The following STOX1 variants were observed in gnomAD, a reference collection of about 807,000 sequenced individuals.
STOX1 encodes storkhead-box protein 1.
A neutral mutation model predicts 74.8 loss-of-function variants in STOX1; 57 were observed. That is an observed-to-expected ratio of 0.76 (90% CI 0.62 to 0.95). The LOEUF is 0.95. Among genes scored for constraint, STOX1 ranks in the 40% least tolerant of loss-of-function variants. The probability of loss-of-function intolerance (pLI) is 0.00; values close to 1 mark genes in which losing one functional copy is unlikely to be tolerated. For missense variants in STOX1, 1,010 were observed against 1,117.0 expected (o/e 0.90, Z 1.37); for synonymous variants, 375 against 401.3 (o/e 0.93, Z 0.78).
At chr10:68,829,032 G>A (rs560831238) in intron 1 of STOX1, 2 of 983,812 alleles carry the variant, frequency 2.0e-6, no homozygotes, top group South Asian at 9.4e-5. Flanking sequence ...GTTCTTGTCT[G>A]CATTTATGTG....
intron 1 of STOX1, among the ~76,000 whole-genome samples, chr10:68,880,984 A>G (rs1033017595): frequency 6.6e-6 from 1 of 152,132 alleles, no homozygotes; most frequent in Admixed American, 6.5e-5. Flanking sequence ...CTGAGCCACC[A>G]CATCTGGTCC....
intron 1 of STOX1, among the ~76,000 whole-genome samples, chr10:68,830,698 G>A (rs1403577912): frequency 6.6e-6 from 1 of 152,078 alleles, no homozygotes; most frequent in Non-Finnish European, 1.5e-5. Context: ...CCATGGCAAG[G>A]ACAGATTTTG....
chr10:68,830,425 C>T (rs144788333), intron 1 of STOX1, among the ~76,000 whole-genome samples: 75 of 152,272 alleles, frequency 4.9e-4, no homozygotes, highest in African/African-American at 1.5e-3. Context: ...TCACTGCAAC[C>T]TCCACCTCCT....
chr10:68,881,855 A>G, intron 1 of STOX1, 103 bp from the exon 2 acceptor site: 7 of 1,334,958 alleles, frequency 5.2e-6, no homozygotes, highest in Non-Finnish European at 7.5e-6. Context: ...AAGAATTGCA[A>G]TTCTACCTAT....
At chr10:68,876,019 G>T (rs1035956662) in intron 1 of STOX1, among the ~76,000 whole-genome samples, 1 of 150,846 alleles carries the variant, frequency 6.6e-6, no homozygotes, top group African/African-American at 2.4e-5. Context: ...ACTTGTAAAA[G>T]AATAATTTTT....
At chr10:68,855,332 A>G (rs565117706) in intron 1 of STOX1, among the ~76,000 whole-genome samples, 1 of 151,984 alleles carries the variant, frequency 6.6e-6, no homozygotes, top group Non-Finnish European at 1.5e-5. Flanking sequence ...TGTTGGTCAG[A>G]CTGGCCTTGA....
intron 1 of STOX1, among the ~76,000 whole-genome samples, chr10:68,867,188 G>T (rs911940267): frequency 6.6e-6 from 1 of 151,868 alleles, no homozygotes. Flanking sequence ...CTCGTGATCC[G>T]CCCGCCTCAG....
At chr10:68,888,802 A>ATTTT (rs35174437) in intron 3 of STOX1, among the ~76,000 whole-genome samples, 4,295 of 32,208 alleles carry the variant, frequency 0.13, 1,088 homozygotes, top group East Asian at 0.22. Flanking sequence ...TGCCCAGCTA[A>ATTTT]TTTTTTTTTT....
At chr10:68,894,371 C>T (rs772347779), downstream of STOX1, among the ~76,000 whole-genome samples, 6 of 152,118 alleles carry the variant, frequency 3.9e-5, no homozygotes, top group Non-Finnish European at 5.9e-5. Context: ...GTGTCTCTTT[C>T]TGACTCTCAC....
intron 1 of STOX1, among the ~76,000 whole-genome samples, chr10:68,847,848 C>T (rs1839891577): frequency 6.6e-6 from 1 of 152,182 alleles, no homozygotes; most frequent in Admixed American, 6.5e-5. Flanking sequence ...TCTCCTGCCT[C>T]AGCCTCCCAA....
chr10:68,894,810 C>G (rs893700259), downstream of STOX1, among the ~76,000 whole-genome samples: 2 of 152,198 alleles, frequency 1.3e-5, no homozygotes, highest in African/African-American at 4.8e-5. Context: ...ACTGCAGCCT[C>G]GACCTGTTGG....
chr10:68,880,942 C>A (rs929883700), intron 1 of STOX1, among the ~76,000 whole-genome samples: 3 of 152,168 alleles, frequency 2.0e-5, no homozygotes, highest in Non-Finnish European at 4.4e-5. Context: ...GATCCGCCCA[C>A]CTCGGCCTCC....
chr10:68,852,853 C>T (rs1475449368), intron 1 of STOX1, among the ~76,000 whole-genome samples: 1 of 151,056 alleles, frequency 6.6e-6, no homozygotes, highest in Non-Finnish European at 1.5e-5. Flanking sequence ...GTCAGACTTA[C>T]TTGTCATAGG....
intron 1 of STOX1, among the ~76,000 whole-genome samples, chr10:68,860,405 C>G (rs1299685076): frequency 2.0e-5 from 3 of 151,172 alleles, no homozygotes; most frequent in Non-Finnish European, 4.4e-5. Context: ...AACTCCATCT[C>G]TACTAAAAAT....
chr10:68,844,294 CTTTTTT>C (rs777175392), intron 1 of STOX1, among the ~76,000 whole-genome samples: 1 of 104,704 alleles, frequency 9.6e-6, no homozygotes, highest in Non-Finnish European at 1.8e-5. Flanking sequence ...TCTGGATCTT[CTTTTTT>C]TTTTTTTTTT....
intron 1 of STOX1, chr10:68,828,346 C>G: frequency 1.9e-6 from 2 of 1,044,454 alleles, no homozygotes; most frequent in Non-Finnish European, 2.4e-6. Context: ...GGGGCGAGCG[C>G]GGCCCCGTCT....
intron 1 of STOX1, among the ~76,000 whole-genome samples, chr10:68,864,188 T>C (rs1004520348): frequency 2.6e-5 from 4 of 152,044 alleles, no homozygotes; most frequent in Non-Finnish European, 5.9e-5. Context: ...CCTCCCAAAG[T>C]GTTGGGATTA....
intron 2 of STOX1, among the ~76,000 whole-genome samples, chr10:68,882,755 C>A (rs530785124): frequency 6.6e-6 from 1 of 152,278 alleles, no homozygotes; most frequent in East Asian, 1.9e-4. Flanking sequence ...CCTTGGCCCC[C>A]CGAAGTGTTG....
chr10:68,828,648 G>T (rs1564566473), intron 1 of STOX1, among the ~76,000 whole-genome samples: 1 of 152,200 alleles, frequency 6.6e-6, no homozygotes, highest in Admixed American at 6.5e-5. Context: ...GTTAGGAAGG[G>T]TACCCCAGGG....
Sources: gnomAD v4.1 joint callset for allele counts (sites outside exome capture counted in the v4.1 genomes callset) on GRCh38, gnomAD v4.1.1 for gene constraint, MANE v1.5 for transcripts, NCBI Gene and HGNC (gene_info 2026-07-23, HGNC 2026-07-21) for gene names.